EYA3: variants seen among roughly 807,000 people sequenced by gnomAD.
EYA3 encodes protein phosphatase EYA3.
Under a neutral mutation model 80.0 loss-of-function variants are expected in EYA3, and 39 were observed. The observed-to-expected ratio is 0.49, with a 90% confidence interval of 0.38 to 0.64. The LOEUF is 0.64. Ranked by LOEUF, EYA3 falls within the 30% of genes least tolerant of loss-of-function variation. EYA3 has a pLI of 0.00. For missense variants in EYA3, 523 were observed against 676.1 expected (o/e 0.77, Z 2.51); for synonymous variants, 206 against 232.8 (o/e 0.88, Z 1.05).
chr1:28,075,502 T>C (rs766105964), intron 1 of EYA3, among the ~76,000 whole-genome samples: 11 of 152,174 alleles, frequency 7.2e-5, no homozygotes, highest in Admixed American at 4.6e-4. Flanking sequence ...GGTAAAATAA[T>C]GACAACTCTG....
intron 6 of EYA3, among the ~76,000 whole-genome samples, chr1:28,033,800 G>A (rs1643290860): frequency 7.0e-6 from 1 of 142,362 alleles, no homozygotes; most frequent in East Asian, 2.2e-4. Context: ...GATTACAGGT[G>A]CCCACCACCA....
At chr1:28,059,186 C>T (rs1244561241) in intron 1 of EYA3, among the ~76,000 whole-genome samples, 2 of 152,160 alleles carry the variant, frequency 1.3e-5, no homozygotes, top group Non-Finnish European at 2.9e-5. Flanking sequence ...GAGCCACACT[C>T]CAGAATGTGA....
At position 28,009,639 on chromosome 1, in the gene EYA3, A is replaced by AAACAAC. The variant is rs374689783; in HGVS notation, c.909+1302_909+1307dup. ...CACTCCAGCCTGAGACTCCATCTCAAAACAACAACAACAACAACAACAACA... is the reference window on the plus strand; with the variant it reads ...CACTCCAGCCTGAGACTCCATCTCAAAACAACAACAACAACAACAACAACAACAACA... On this transcript the variant is annotated intron_variant, in intron 10 of 17. Transcript: ENST00000373871. This position sits in a 1 kb window ranked among gnomAD's most constrained non-coding sequence, Gnocchi z 4.8. Among the ~76,000 whole-genome samples, 967 of 108,226 alleles carry AAACAAC rather than the reference A, an allele frequency of 8.9e-3. 8 individuals are homozygous for AAACAAC. Among genetic ancestry groups the AAACAAC allele is most frequent in the African/African-American group, 0.028 (891 of 32,152 alleles). The allele number at this position is 108,226 out of a possible 152,430, so 71.0% of individuals were successfully genotyped here. A position where few individuals can be genotyped will look rare whatever the true frequency, so the allele number is the denominator to read the frequency against.
chr1:28,062,945 T>C (rs1419353345), intron 1 of EYA3, among the ~76,000 whole-genome samples: 1 of 146,984 alleles, frequency 6.8e-6, no homozygotes, highest in Non-Finnish European at 1.5e-5. Context: ...GAGGTTGCAG[T>C]GAGCCGAGAT....
chr1:28,004,112 G>A (rs542578183), intron 11 of EYA3, among the ~76,000 whole-genome samples: 7 of 152,264 alleles, frequency 4.6e-5, no homozygotes, highest in Admixed American at 1.3e-4. Flanking sequence ...TCAGCTTTCA[G>A]CATTGGTTCT....
chr1:28,002,293 C>T (rs917374653), intron 11 of EYA3, among the ~76,000 whole-genome samples: 1 of 152,102 alleles, frequency 6.6e-6, no homozygotes, highest in African/African-American at 2.4e-5. Context: ...AGGTGATCCA[C>T]CCGCCTTGGC....
intron 7 of EYA3, among the ~76,000 whole-genome samples, chr1:28,020,601 T>C (rs1458381228): frequency 3.3e-5 from 5 of 150,646 alleles, no homozygotes; most frequent in Non-Finnish European, 5.9e-5. Flanking sequence ...ATACAACCAC[T>C]GCCTGCCCTA....
chr1:28,046,695 A>G (rs1644016992), intron 3 of EYA3, among the ~76,000 whole-genome samples: 1 of 152,206 alleles, frequency 6.6e-6, no homozygotes, highest in African/African-American at 2.4e-5. Flanking sequence ...TGTACAAGTG[A>G]TTGGGAATAA....
At chr1:28,031,449 G>A (rs1310203241) in intron 6 of EYA3, among the ~76,000 whole-genome samples, 1 of 152,196 alleles carries the variant, frequency 6.6e-6, no homozygotes, top group African/African-American at 2.4e-5. Flanking sequence ...TCAAGAGCCT[G>A]CTGCAGAGAA....
chr1:28,038,221 G>C (rs1328843498), intron 5 of EYA3, among the ~76,000 whole-genome samples: 1 of 152,032 alleles, frequency 6.6e-6, no homozygotes, highest in Admixed American at 6.6e-5. Flanking sequence ...CAGATCACCT[G>C]AGGTCAGCCG....
chr1:28,076,597 G>A (rs931864127), intron 1 of EYA3, among the ~76,000 whole-genome samples: 3 of 149,900 alleles, frequency 2.0e-5, no homozygotes, highest in Admixed American at 1.3e-4. Context: ...TGTAGTCCCA[G>A]GTGGAGGTTG....
At chr1:27,991,476 A>G (rs1365836560) in intron 14 of EYA3, among the ~76,000 whole-genome samples, 1 of 152,212 alleles carries the variant, frequency 6.6e-6, no homozygotes, top group Non-Finnish European at 1.5e-5. Flanking sequence ...CAGACACTTC[A>G]GTTAAAATAT....
At chr1:28,041,589 T>C (rs1370359734) in intron 4 of EYA3, among the ~76,000 whole-genome samples, 2 of 151,674 alleles carry the variant, frequency 1.3e-5, no homozygotes, top group Non-Finnish European at 2.9e-5. Context: ...ACAGAATGAA[T>C]AGGATGACAG....
intron 14 of EYA3, among the ~76,000 whole-genome samples, chr1:27,990,880 A>G (rs574106362): frequency 2.7e-5 from 4 of 150,454 alleles, no homozygotes; most frequent in Admixed American, 6.7e-5. Flanking sequence ...CTCTTCTTGG[A>G]GAAACCTTAG....
chr1:27,989,947 T>C (rs3767307), intron 14 of EYA3, 136 bp from the exon 15 acceptor site: 26,090 of 400,930 alleles, frequency 0.065, 1,827 homozygotes, highest in East Asian at 0.28. Flanking sequence ...TATATATATA[T>C]ACATATACGT....
At position 27,980,463 on chromosome 1, in the gene EYA3, C is replaced by A. The variant is rs551430668; in HGVS notation, c.1541-1989G>T. ...AACACAGACATTTTCACTGTCCTGG[C>A]ATGCAATGATCAAGGATGAAATATA... is the stretch of plus-strand genomic sequence containing the variant. On this transcript the variant is annotated intron_variant, in intron 16 of 17. Coordinates refer to ENST00000373871, the MANE Select transcript of EYA3 (RefSeq NM_001990.4). Among the ~76,000 whole-genome samples the A allele has an allele frequency of 3.9e-5, 6 of 152,282 alleles. No individual in the cohort carries two copies. In the South Asian group the frequency reaches 1.2e-3, roughly 32 times the overall value.
chr1:28,014,182 C>T (rs1436654797), intron 8 of EYA3, among the ~76,000 whole-genome samples: 3 of 151,782 alleles, frequency 2.0e-5, no homozygotes, highest in Admixed American at 6.6e-5. Context: ...TTTGGGAGGA[C>T]GAGGTGGGAG....
chr1:28,075,208 T>C (rs1320186979), intron 1 of EYA3, among the ~76,000 whole-genome samples: 1 of 152,200 alleles, frequency 6.6e-6, no homozygotes, highest in Non-Finnish European at 1.5e-5. Flanking sequence ...ACCCTACACA[T>C]GCACATAGCC....
intron 7 of EYA3, among the ~76,000 whole-genome samples, chr1:28,021,913 T>C (rs1449027261): frequency 6.6e-6 from 1 of 151,990 alleles, no homozygotes; most frequent in Non-Finnish European, 1.5e-5. Context: ...CCTAAAATCA[T>C]TATTTTCTGC....
Sources: allele counts gnomAD v4.1 joint callset (sites outside exome capture counted in the v4.1 genomes callset), GRCh38; gene constraint gnomAD v4.1.1; non-coding constraint Gnocchi (gnomAD v3.1); transcripts MANE v1.5; gene names NCBI Gene and HGNC (gene_info 2026-07-23, HGNC 2026-07-21).